ABCB1: variants seen among roughly 807,000 people sequenced by gnomAD.
ABCB1 encodes the protein ATP-dependent translocase ABCB1.
Under a neutral mutation model 142.0 loss-of-function variants are expected in ABCB1, and 69 were observed. That is an observed-to-expected ratio of 0.49 (90% CI 0.40 to 0.59). ABCB1 has a LOEUF of 0.59. Among genes scored for constraint, ABCB1 ranks in the 20% least tolerant of loss-of-function variants. ABCB1 has a pLI of 0.00. For synonymous variants in ABCB1, 532 were observed against 539.2 expected, an observed-to-expected ratio of 0.99 and a Z score of 0.18; for missense variants, 1,326 against 1,554.7, an observed-to-expected ratio of 0.85 and a Z score of 2.47.
intron 3 of ABCB1, among the ~76,000 whole-genome samples, chr7:87,586,823 C>A (rs542337251): frequency 3.3e-5 from 5 of 152,208 alleles, no homozygotes; most frequent in Non-Finnish European, 7.4e-5. Context: ...TAATGAATGG[C>A]AGTCCATAAA....
chr7:87,659,026 G>A lies in ABCB1; in HGVS notation c.-331+54135C>T, dbSNP rs552352954. On this transcript the variant is annotated intron_variant, in intron 1 of 28. Transcript: ENST00000265724. Reference sequence around the variant, plus strand: ...AAATTAATCAGACATGGTGATATGCGTCTGTGGGTCCCACCTATTTGGGCG... The same window carrying A: ...AAATTAATCAGACATGGTGATATGCATCTGTGGGTCCCACCTATTTGGGCG... Among the ~76,000 whole-genome samples, 7 of 152,162 alleles carry A rather than the reference G, an allele frequency of 4.6e-5. No individual in the cohort carries two copies. In the South Asian group the frequency reaches 6.2e-4, roughly 14 times the overall value.
intron 20 of ABCB1, among the ~76,000 whole-genome samples, chr7:87,533,717 G>A (rs1428573167): frequency 2.6e-5 from 4 of 152,150 alleles, no homozygotes; most frequent in African/African-American, 9.7e-5. Context: ...TAGGGTTGAG[G>A]GGAGGAACTA....
chr7:87,528,940 G>A (rs1406670034), intron 21 of ABCB1, among the ~76,000 whole-genome samples: 1 of 152,208 alleles, frequency 6.6e-6, no homozygotes, highest in African/African-American at 2.4e-5. Flanking sequence ...ACAGGCATAA[G>A]AGACTGTGAT....
At chr7:87,618,261 T>G (rs1182307269) in intron 1 of ABCB1, among the ~76,000 whole-genome samples, 1 of 152,158 alleles carries the variant, frequency 6.6e-6, no homozygotes, top group Non-Finnish European at 1.5e-5. Context: ...TTTCTTTAGG[T>G]TTTGATACCT....
intron 7 of ABCB1, 120 bp from the exon 8 acceptor site, chr7:87,561,507 T>C: frequency 2.0e-6 from 2 of 1,004,970 alleles, no homozygotes; most frequent in Middle Eastern, 3.0e-4. Flanking sequence ...GAGCAAAATC[T>C]GTCTTTTACT....
chr7:87,562,460 A>G (rs978954740), intron 7 of ABCB1, among the ~76,000 whole-genome samples: 1 of 152,188 alleles, frequency 6.6e-6, no homozygotes, highest in African/African-American at 2.4e-5. Flanking sequence ...GGAGGCTCAT[A>G]CAACATGCTT....
At chr7:87,606,198 G>A (rs1819646573) in intron 1 of ABCB1, among the ~76,000 whole-genome samples, 1 of 152,038 alleles carries the variant, frequency 6.6e-6, no homozygotes, top group Non-Finnish European at 1.5e-5. Flanking sequence ...AAAGTATGTA[G>A]TATACTGGTA....
chr7:87,521,068 T>C (rs1476622338), intron 21 of ABCB1, 192 bp from the exon 22 acceptor site: 1 of 571,636 alleles, frequency 1.7e-6, no homozygotes. Flanking sequence ...GAAGATTGAC[T>C]AATTCAAACT....
intron 21 of ABCB1, chr7:87,522,203 G>A (rs772243336): frequency 9.0e-5 from 124 of 1,381,574 alleles, no homozygotes; most frequent in Non-Finnish European, 1.2e-4. Flanking sequence ...AATGGATTTG[G>A]TAATCATGGA....
intron 4 of ABCB1, among the ~76,000 whole-genome samples, chr7:87,577,142 T>A (rs1328351198): frequency 1.3e-5 from 2 of 152,178 alleles, no homozygotes; most frequent in African/African-American, 4.8e-5. Flanking sequence ...ATTTTTTAGC[T>A]CCCACAAATA....
At chr7:87,682,819 G>A (rs763090935) in intron 1 of ABCB1, among the ~76,000 whole-genome samples, 6 of 152,182 alleles carry the variant, frequency 3.9e-5, no homozygotes, top group Admixed American at 1.3e-4. Flanking sequence ...CACCAGCTGC[G>A]TTAGCCCCTA....
At chr7:87,567,770 A>G (rs1370933490) in intron 5 of ABCB1, among the ~76,000 whole-genome samples, 1 of 152,188 alleles carries the variant, frequency 6.6e-6, no homozygotes, top group Non-Finnish European at 1.5e-5. Flanking sequence ...ATCCTGAATT[A>G]ATGTTTCCTT....
chr7:87,586,420 C>T (rs907155707), intron 3 of ABCB1, among the ~76,000 whole-genome samples: 3 of 152,136 alleles, frequency 2.0e-5, no homozygotes, highest in Admixed American at 6.5e-5. Context: ...ATTAATACTG[C>T]TTCCCTATAA....
rs762765487 is a variant in ABCB1, at chr7:87,531,470, T to C, written c.2509A>G (p.Thr837Ala). ...GAIGSRLAVI[T>A]QNIANLGTGI... ...GTCCCAAGATTTGCTATATTCTGGG[T>C]AATTACAGCAAGCCTGGAACCTATA... is the stretch of plus-strand genomic sequence containing the variant. Residue 837 changes from threonine (T) to alanine (A), a missense_variant, in exon 21 of 28, where the codon ACC (threonine) becomes GCC (alanine). By Grantham distance (58) the Thr-to-Ala change is moderately conservative. Transcript: ENST00000622132. 2.5e-6 allele frequency: 4 copies of C among 1,613,188 alleles called. No homozygotes were observed. In the South Asian group the frequency reaches 4.4e-5, roughly 18 times the overall value.
At chr7:87,686,546 T>G (rs901264285) in intron 1 of ABCB1, among the ~76,000 whole-genome samples, 4 of 152,136 alleles carry the variant, frequency 2.6e-5, no homozygotes, top group African/African-American at 9.7e-5. Context: ...AATTTAGCAG[T>G]AAAGTCATCA....
intron 21 of ABCB1, chr7:87,521,667 G>C: frequency 1.2e-6 from 1 of 859,460 alleles, no homozygotes; most frequent in South Asian, 1.3e-5. Flanking sequence ...TGGAGGAGGT[G>C]GATGCAGCCA....
intron 1 of ABCB1, among the ~76,000 whole-genome samples, chr7:87,654,693 C>A (rs1485778897): frequency 6.6e-6 from 1 of 152,012 alleles, no homozygotes; most frequent in Non-Finnish European, 1.5e-5. Flanking sequence ...TTTGACACCA[C>A]AAGCACAGGC....
intron 1 of ABCB1, among the ~76,000 whole-genome samples, chr7:87,614,379 G>A (rs1006245463): frequency 1.3e-5 from 2 of 151,316 alleles, no homozygotes; most frequent in African/African-American, 4.9e-5. Flanking sequence ...GAGCAACAGA[G>A]CAAGACTCTA....
intron 1 of ABCB1, among the ~76,000 whole-genome samples, chr7:87,626,150 T>G (rs185725467): frequency 4.2e-5 from 5 of 119,250 alleles, no homozygotes; most frequent in Non-Finnish European, 8.4e-5. Context: ...TCATATATAT[T>G]GTCATATATA....
Sources: allele counts gnomAD v4.1 joint callset (sites outside exome capture counted in the v4.1 genomes callset), GRCh38; gene constraint gnomAD v4.1.1; transcripts MANE v1.5; gene names NCBI Gene and HGNC (gene_info 2026-07-23, HGNC 2026-07-21).